DNAAF11: variants seen among roughly 807,000 people sequenced by gnomAD.
DNAAF11 encodes the protein dynein axonemal assembly factor 11.
Under a neutral mutation model 60.8 loss-of-function variants are expected in DNAAF11, and 45 were observed. The ratio of observed to expected loss-of-function variants is 0.74; its 90% CI spans 0.58 to 0.95. The LOEUF is 0.95. Ranked by LOEUF, DNAAF11 falls within the 40% of genes least tolerant of loss-of-function variation. DNAAF11 has a pLI of 0.00. For synonymous variants in DNAAF11, 191 were observed against 183.5 expected (o/e 1.04, Z -0.33); for missense variants, 546 against 546.2 (o/e 1.00, Z 0.00).
At chr8:132,582,272 T>A (rs1032319616) in intron 11 of DNAAF11, among the ~76,000 whole-genome samples, 4 of 152,194 alleles carry the variant, frequency 2.6e-5, no homozygotes, top group Admixed American at 2.6e-4. Context: ...TGTGGTGTGA[T>A]CCTTTCTCAG....
chr8:132,678,631 C>T (rs948619954), upstream of DNAAF11, among the ~76,000 whole-genome samples: 32 of 152,008 alleles, frequency 2.1e-4, 2 homozygotes, highest in African/African-American at 7.0e-4. Context: ...GAGATCCTCC[C>T]GCCTGGGCAT....
intron 1 of DNAAF11, among the ~76,000 whole-genome samples, chr8:132,670,390 T>C (rs1825067594): frequency 6.6e-6 from 1 of 152,078 alleles, no homozygotes; most frequent in Non-Finnish European, 1.5e-5. Context: ...AACGGGTGAA[T>C]CCCTTAAAAG....
At chr8:132,606,039 A>G (rs954509664) in intron 10 of DNAAF11, among the ~76,000 whole-genome samples, 4 of 152,158 alleles carry the variant, frequency 2.6e-5, no homozygotes, top group African/African-American at 9.7e-5. Flanking sequence ...AGTCATATAC[A>G]ATGGTGGTCC....
At position 132,675,542 on chromosome 8, in the gene DNAAF11, T is replaced by G; in HGVS notation, c.-49A>C. On this transcript the variant is annotated 5_prime_UTR_variant, in exon 1 of 12. Coordinates refer to ENST00000620350, the MANE Select transcript of DNAAF11 (RefSeq NM_012472.6). ...CCGCAAGCCGGACCCGGACCTCGAA[T>G]GACGCTTTTCACCCTTCACCCCTGC... 6.4e-7 allele frequency: 1 copy of G among 1,551,034 alleles called. No individual in the cohort carries two copies. Among genetic ancestry groups the G allele is most frequent in the Non-Finnish European group, 8.7e-7 (1 of 1,143,456 alleles).
chr8:132,599,503 A>C (rs1373966817), intron 10 of DNAAF11, among the ~76,000 whole-genome samples: 1 of 152,234 alleles, frequency 6.6e-6, no homozygotes, highest in African/African-American at 2.4e-5. Flanking sequence ...ATCCCTGATG[A>C]ACATCGGTGC....
At chr8:132,597,508 T>C (rs1457540750) in intron 10 of DNAAF11, among the ~76,000 whole-genome samples, 4 of 152,242 alleles carry the variant, frequency 2.6e-5, no homozygotes, top group Non-Finnish European at 5.9e-5. Flanking sequence ...TATATGTTTA[T>C]TTTGACAAGA....
At chr8:132,621,712 G>A (rs1027726172) in intron 7 of DNAAF11, among the ~76,000 whole-genome samples, 2 of 152,152 alleles carry the variant, frequency 1.3e-5, no homozygotes, top group Non-Finnish European at 2.9e-5. Flanking sequence ...TCTGCTGAGT[G>A]TGGGTAAGGG....
intron 11 of DNAAF11, among the ~76,000 whole-genome samples, chr8:132,573,442 C>G (rs541304332): frequency 6.6e-6 from 1 of 152,304 alleles, no homozygotes; most frequent in Admixed American, 6.5e-5. Flanking sequence ...TAATGACACT[C>G]TCATACACCT....
chr8:132,698,296 T>C, the DNAAF11 span, among the ~76,000 whole-genome samples: 1 of 152,148 alleles, frequency 6.6e-6, no homozygotes, highest in Non-Finnish European at 1.5e-5. Context: ...GAAACCTGAA[T>C]TTCAGAGAGG....
At chr8:132,595,096 C>G (rs1008119257) in intron 10 of DNAAF11, among the ~76,000 whole-genome samples, 3 of 152,074 alleles carry the variant, frequency 2.0e-5, no homozygotes, top group Non-Finnish European at 4.4e-5. Context: ...AAACCTCTTT[C>G]CTTTATAAAT....
the DNAAF11 span, among the ~76,000 whole-genome samples, chr8:132,695,968 C>A: frequency 6.6e-6 from 1 of 152,012 alleles, no homozygotes; most frequent in Admixed American, 6.6e-5. Context: ...GAATTTGATC[C>A]CAGTCATTGA....
upstream of DNAAF11, among the ~76,000 whole-genome samples, chr8:132,678,681 G>A (rs1187617886): frequency 6.6e-6 from 1 of 151,608 alleles, no homozygotes; most frequent in Non-Finnish European, 1.5e-5. Flanking sequence ...TACCGTGACT[G>A]GTGCCTAGTG....
chr8:132,572,098 G>A lies in DNAAF11; in HGVS notation c.*208C>T, dbSNP rs147456177. The stretch of plus-strand genomic sequence containing the variant: ...TTTCAATACCAACCCTTTATTATAG[G>A]TAAATGATGAGTTATAGCATTTAAG... On this transcript the variant is annotated 3_prime_UTR_variant, in exon 12 of 12. Transcript: ENST00000620350. 1.5e-3 allele frequency: 640 copies of A among 419,004 alleles called. 12 individuals carry two copies. Among genetic ancestry groups the A allele is most frequent in the African/African-American group, 0.012 (572 of 49,360 alleles). The allele number at this position is 419,004 out of a possible 1,614,324, so 26.0% of individuals were successfully genotyped here. A position where few individuals can be genotyped will look rare whatever the true frequency, so the allele number is the denominator to read the frequency against.
At chr8:132,661,361 T>C (rs1275854270) in intron 2 of DNAAF11, 99 bp downstream of exon 2, 1 of 1,019,978 alleles carries the variant, frequency 9.8e-7, no homozygotes, top group Non-Finnish European at 1.4e-6. Flanking sequence ...CATGGAGTTT[T>C]TTTTTCAGTG....
In DNAAF11 at chr8:132,656,629, G is replaced by A. The variant is rs544358527; in HGVS notation, c.256+201C>T. On this transcript the variant is annotated intron_variant, in intron 3 of 11. Transcript: ENST00000620350. ...TGGGATTACAGGTGCATGCCACCAC[G>A]CCTGGCTAATTTTTGTATTTTTAGT... Among the ~76,000 whole-genome samples the A allele has an allele frequency of 3.4e-3, 511 of 152,118 alleles. 2 individuals carry two copies. The highest frequency in any genetic ancestry group is 0.011 in the African/African-American group (451 of 41,492).
the DNAAF11 span, among the ~76,000 whole-genome samples, chr8:132,681,387 G>A: frequency 1.4e-5 from 2 of 144,696 alleles, no homozygotes; most frequent in South Asian, 4.4e-4. Context: ...TACAATTACT[G>A]TCTCCATCTT....
At chr8:132,635,406 GA>G (rs1249652512) in intron 4 of DNAAF11, among the ~76,000 whole-genome samples, 4 of 152,148 alleles carry the variant, frequency 2.6e-5, no homozygotes, top group Admixed American at 6.5e-5. Flanking sequence ...TACTATACAT[GA>G]GTAAAATGAG....
the DNAAF11 span, among the ~76,000 whole-genome samples, chr8:132,692,768 G>T: frequency 6.6e-6 from 1 of 152,088 alleles, no homozygotes; most frequent in Non-Finnish European, 1.5e-5. Context: ...CCTCCACCTT[G>T]CCAAGGGCAA....
At chr8:132,695,535 C>T in the DNAAF11 span, among the ~76,000 whole-genome samples, 2 of 152,098 alleles carry the variant, frequency 1.3e-5, no homozygotes, top group African/African-American at 4.8e-5. Flanking sequence ...ATAATTGTTT[C>T]TATTTTCTCA....
Sources: allele counts gnomAD v4.1 joint callset (sites outside exome capture counted in the v4.1 genomes callset), GRCh38; gene constraint gnomAD v4.1.1; transcripts MANE v1.5; gene names NCBI Gene and HGNC (gene_info 2026-07-23, HGNC 2026-07-21).